PARVB: variants seen among roughly 807,000 people sequenced by gnomAD.
PARVB encodes beta-parvin.
Under a neutral mutation model 47.0 loss-of-function variants are expected in PARVB, and 46 were observed. That is an observed-to-expected ratio of 0.98 (90% CI 0.77 to 1.25). The LOEUF (loss-of-function observed/expected upper bound fraction) is 1.25, where lower values mean the gene tolerates loss of function less well. Among genes scored for constraint, PARVB ranks in the 50% most tolerant of loss-of-function variants. The pLI is 0.00. For synonymous variants in PARVB, 196 were observed against 196.3 expected (o/e 1.00, Z 0.01); for missense variants, 473 against 471.6 (o/e 1.00, Z -0.03).
intron 4 of PARVB, among the ~76,000 whole-genome samples, chr22:44,120,103 C>T (rs1796245086): frequency 6.6e-6 from 1 of 152,240 alleles, no homozygotes; most frequent in South Asian, 2.1e-4. Flanking sequence ...AGCCGGGCAG[C>T]CTGGCCCCAA....
Position 44,155,711 on chromosome 22 carries a change from G to T in PARVB, c.844-2271G>T, listed in dbSNP as rs1039542253. Among the ~76,000 whole-genome samples the T allele has an allele frequency of 6.6e-6, 1 of 152,168 alleles. No individual in the cohort carries two copies. Among genetic ancestry groups the T allele is most frequent in the Non-Finnish European group, 1.5e-5 (1 of 68,036 alleles). On this transcript the variant is annotated intron_variant, in intron 10 of 12. Transcript: ENST00000338758. The surrounding 1 kb of genome is among the most constrained non-coding windows in gnomAD (Gnocchi z 4.8). ...AGCACGCTTAACCAGGGTGCTGTGG[G>T]CATGAAGCTTCCATGTGGAGACACA...
chr22:44,029,922 GA>G (rs34800277), intron 1 of PARVB, among the ~76,000 whole-genome samples: 77,770 of 151,298 alleles, frequency 0.51, 21,276 homozygotes, highest in African/African-American at 0.71. Context: ...AAAAAAAAAA[GA>G]AAAGAAAAGA....
chr22:44,143,811 TC>T (rs1346937079), intron 8 of PARVB: 1 of 152,328 alleles, frequency 6.6e-6, no homozygotes, highest in Admixed American at 6.5e-5. Flanking sequence ...GGGCGGCCCT[TC>T]CCCCTCCTGG....
intron 4 of PARVB, among the ~76,000 whole-genome samples, chr22:44,119,578 G>A (rs535056693): frequency 6.6e-6 from 1 of 152,310 alleles, no homozygotes; most frequent in East Asian, 1.9e-4. Context: ...TCTAGTGTCT[G>A]CATTTGCTGG....
At chr22:44,154,363 T>C (rs2053873084) in intron 10 of PARVB, among the ~76,000 whole-genome samples, 2 of 152,266 alleles carry the variant, frequency 1.3e-5, no homozygotes, top group Non-Finnish European at 2.9e-5. Context: ...ATATCATTTA[T>C]GAAGACTGTA....
intron 1 of PARVB, among the ~76,000 whole-genome samples, chr22:44,076,889 G>A (rs901812609): frequency 2.6e-5 from 4 of 152,108 alleles, no homozygotes; most frequent in African/African-American, 4.8e-5. Flanking sequence ...TATGTGGCTC[G>A]CTGAGGTGTG....
intron 1 of PARVB, among the ~76,000 whole-genome samples, chr22:44,064,788 A>C (rs1183124566): frequency 6.6e-6 from 1 of 152,236 alleles, no homozygotes; most frequent in Non-Finnish European, 1.5e-5. Flanking sequence ...CGGGAGGTGG[A>C]GGCCACAGCA....
chr22:44,019,481 A>G (rs144021828), upstream of PARVB, among the ~76,000 whole-genome samples: 779 of 152,352 alleles, frequency 5.1e-3, 10 homozygotes, highest in African/African-American at 0.018. Flanking sequence ...CGGCCTCTCA[A>G]AGTGCTGGGA....
At chr22:44,026,735 G>A (rs1344587832) in intron 1 of PARVB, among the ~76,000 whole-genome samples, 10 of 151,860 alleles carry the variant, frequency 6.6e-5, no homozygotes, top group African/African-American at 1.5e-4. Flanking sequence ...CTGCTGCACC[G>A]TCGGCTTCAT....
At chr22:44,091,222 C>T (rs938851483) in intron 1 of PARVB, among the ~76,000 whole-genome samples, 10 of 146,088 alleles carry the variant, frequency 6.8e-5, no homozygotes, top group African/African-American at 2.3e-4. Flanking sequence ...ACAGTGTGTG[C>T]GGCAGCCAGG....
At chr22:44,036,610 T>A (rs1474488216) in intron 1 of PARVB, among the ~76,000 whole-genome samples, 1 of 152,130 alleles carries the variant, frequency 6.6e-6, no homozygotes, top group Non-Finnish European at 1.5e-5. Flanking sequence ...CAAACCTGTG[T>A]TTTTCAAGAG....
chr22:44,077,480 G>C (rs1334169584), intron 1 of PARVB, among the ~76,000 whole-genome samples: 1 of 151,972 alleles, frequency 6.6e-6, no homozygotes, highest in African/African-American at 2.4e-5. Flanking sequence ...AGACTCCAGT[G>C]TGCCTTTTAG....
intron 2 of PARVB, among the ~76,000 whole-genome samples, chr22:44,014,074 A>G (rs2050552711): frequency 6.6e-6 from 1 of 152,208 alleles, no homozygotes; most frequent in African/African-American, 2.4e-5. Context: ...AAGAAGAGAA[A>G]AAGATCCACA....
At chr22:44,168,531 G>T (rs1331808005) in intron 12 of PARVB, 71 bp from the exon 13 acceptor site, 1 of 1,002,584 alleles carries the variant, frequency 1.0e-6, no homozygotes. Context: ...TGGAGACGTG[G>T]CTTCTGAGAG....
chr22:44,034,952 C>G (rs898429273), intron 1 of PARVB, among the ~76,000 whole-genome samples: 1 of 152,018 alleles, frequency 6.6e-6, no homozygotes, highest in African/African-American at 2.4e-5. Context: ...CTCAGTTGAT[C>G]CGCTCACCTC....
chr22:44,021,759 T>TCTCA (rs1451436897), upstream of PARVB, among the ~76,000 whole-genome samples: 5 of 102,694 alleles, frequency 4.9e-5, no homozygotes, highest in Non-Finnish European at 2.0e-5. Flanking sequence ...AAGTCTAGAC[T>TCTCA]CACACACACA....
Position 44,083,929 on chromosome 22 carries a change from A to T in PARVB, c.113-9999A>T, listed in dbSNP as rs555801222. Among the ~76,000 whole-genome samples, 8 of 152,338 alleles carry T rather than the reference A, an allele frequency of 5.3e-5. 1 individual carries two copies. Among genetic ancestry groups the T allele is most frequent in the Admixed American group, 3.9e-4 (6 of 15,300 alleles). On this transcript the variant is annotated intron_variant, in intron 1 of 12. Coordinates refer to ENST00000338758, the MANE Select transcript of PARVB (RefSeq NM_013327.5). ...ACCCAACTCAAAATGGCTTAAAAGC[A>T]AAACAGAATTCACTGGTACATTTGA...
In PARVB at chr22:44,076,903, C is replaced by T. The variant is rs538162710; in HGVS notation, c.113-17025C>T. 6.4e-4 allele frequency among the ~76,000 whole-genome samples: 97 copies of T among 152,164 alleles called. 1 individual carries two copies. Among genetic ancestry groups the T allele is most frequent in the Admixed American group, 3.4e-3 (52 of 15,292 alleles). On this transcript the variant is annotated intron_variant, in intron 1 of 12. Transcript: ENST00000338758. The stretch of plus-strand genomic sequence containing the variant: ...GTATGTGGCTCGCTGAGGTGTGCGC[C>T]GGAATGTTGGGCACATCCTGTCTGA...
intron 1 of PARVB, 30 bp downstream of exon 1, chr22:44,024,481 C>T (rs1238266813): frequency 1.8e-6 from 2 of 1,110,706 alleles, no homozygotes; most frequent in East Asian, 4.9e-5. Context: ...CGCCGACCCC[C>T]GGGGACCTGC....
Sources: allele counts gnomAD v4.1 joint callset (sites outside exome capture counted in the v4.1 genomes callset), GRCh38; gene constraint gnomAD v4.1.1; non-coding constraint Gnocchi (gnomAD v3.1); transcripts MANE v1.5; gene names NCBI Gene and HGNC (gene_info 2026-07-23, HGNC 2026-07-21).